Variants in CNTNAP2 observed in about 807,000 individuals in gnomAD.
CNTNAP2 encodes contactin-associated protein-like 2.
A neutral mutation model predicts 155.2 loss-of-function variants in CNTNAP2; 98 were observed. The ratio of observed to expected loss-of-function variants is 0.63; its 90% CI spans 0.54 to 0.75. CNTNAP2 has a LOEUF of 0.75. Ranked by LOEUF, CNTNAP2 falls within the 30% of genes least tolerant of loss-of-function variation. CNTNAP2 has a pLI of 0.00. For synonymous variants in CNTNAP2, 651 were observed against 631.2 expected (o/e 1.03, Z -0.47); for missense variants, 1,727 against 1,688.1 (o/e 1.02, Z -0.40).
intron 14 of CNTNAP2, among the ~76,000 whole-genome samples, chr7:147,968,972 A>G (rs1235684138): frequency 6.6e-6 from 1 of 152,220 alleles, no homozygotes; most frequent in Non-Finnish European, 1.5e-5. Flanking sequence ...GAAACAAGGA[A>G]TAAAAAGTGG....
rs1469243150 is a variant in CNTNAP2 at position 147,850,163 on chromosome 7, A to G, written c.2099-53402A>G. The stretch of plus-strand genomic sequence containing the variant: ...TTTTGGTAAAAATCTTTAAAAAATA[A>G]TAAATGCTTCAAAGAGAATAAAACA... On this transcript the variant is annotated intron_variant, in intron 13 of 23. Coordinates refer to ENST00000361727, the MANE Select transcript of CNTNAP2 (RefSeq NM_014141.6). Among the ~76,000 whole-genome samples, 7 of 152,362 alleles carry G rather than the reference A, an allele frequency of 4.6e-5. No individual in the cohort carries two copies. In the East Asian group the frequency reaches 1.4e-3, roughly 29 times the overall value.
chr7:147,297,678 C>T (rs1283705019), intron 8 of CNTNAP2, among the ~76,000 whole-genome samples: 1 of 152,114 alleles, frequency 6.6e-6, no homozygotes, highest in Non-Finnish European at 1.5e-5. Flanking sequence ...TCAAAAAGAA[C>T]AGAAAGCTGT....
At chr7:147,021,389 T>C (rs1047805350) in intron 3 of CNTNAP2, among the ~76,000 whole-genome samples, 7 of 152,170 alleles carry the variant, frequency 4.6e-5, no homozygotes, top group African/African-American at 9.6e-5. Flanking sequence ...CATTATTTCA[T>C]AGGTCCAATT....
At chr7:147,504,973 C>A (rs757086354) in intron 11 of CNTNAP2, among the ~76,000 whole-genome samples, 9 of 151,962 alleles carry the variant, frequency 5.9e-5, no homozygotes, top group Admixed American at 2.0e-4. Context: ...CTGATGCAAA[C>A]TTTAGCAAGT....
chr7:146,572,977 G>A (rs1798465700), intron 1 of CNTNAP2, among the ~76,000 whole-genome samples: 1 of 152,022 alleles, frequency 6.6e-6, no homozygotes, highest in Non-Finnish European at 1.5e-5. Context: ...AGATAAGCTG[G>A]AAAAAGATGA....
Position 148,247,623 on chromosome 7 carries a change from C to CTATTTA in CNTNAP2, c.3381+17845_3381+17846insATTTAT, listed in dbSNP as rs1220582979. 4.3e-3 allele frequency among the ~76,000 whole-genome samples: 444 copies of CTATTTA among 102,434 alleles called. 1 individual carries two copies. The highest frequency in any genetic ancestry group is 7.5e-3 in the African/African-American group (207 of 27,476). 67.2% of individuals were successfully genotyped at this position (102,434 alleles called of 152,430 possible). On this transcript the variant is annotated intron_variant, in intron 20 of 23. Transcript: ENST00000361727. ...TCTCTCTCTCTCTCTCTCTCTCTCT[C>CTATTTA]TCTATTTATTTATTTATTTATTTAT...
chr7:147,518,222 G>A (rs1171371142), intron 11 of CNTNAP2, among the ~76,000 whole-genome samples: 1 of 152,064 alleles, frequency 6.6e-6, no homozygotes, highest in Non-Finnish European at 1.5e-5. Context: ...ACTGAACATA[G>A]AAACAACTAA....
At chr7:146,778,605 T>C (rs960512908) in intron 2 of CNTNAP2, among the ~76,000 whole-genome samples, 2 of 152,210 alleles carry the variant, frequency 1.3e-5, no homozygotes, top group African/African-American at 4.8e-5. Context: ...TGTTACTCTT[T>C]CCAAGGTTAG....
chr7:147,584,552 T>C (rs1191825542), intron 12 of CNTNAP2, among the ~76,000 whole-genome samples: 2 of 152,220 alleles, frequency 1.3e-5, no homozygotes, highest in Admixed American at 6.5e-5. Context: ...GATGATCTAT[T>C]CTATTACCAC....
intron 10 of CNTNAP2, among the ~76,000 whole-genome samples, chr7:147,480,640 T>A (rs1798404602): frequency 6.6e-6 from 1 of 152,194 alleles, no homozygotes. Flanking sequence ...CAGGAGGACC[T>A]ATGGAAAAGC....
intron 1 of CNTNAP2, among the ~76,000 whole-genome samples, chr7:146,317,764 T>C (rs1800933181): frequency 6.6e-6 from 1 of 152,262 alleles, no homozygotes; most frequent in South Asian, 2.1e-4. Flanking sequence ...ACATTACACA[T>C]GTCATCTTTC....
chr7:147,588,427 T>A (rs547018702), intron 12 of CNTNAP2, among the ~76,000 whole-genome samples: 215 of 152,236 alleles, frequency 1.4e-3, no homozygotes, highest in African/African-American at 5.0e-3. Context: ...GAGGATACTC[T>A]GTGAATAGAT....
At chr7:146,319,955 C>G (rs1028428516) in intron 1 of CNTNAP2, among the ~76,000 whole-genome samples, 2 of 152,170 alleles carry the variant, frequency 1.3e-5, no homozygotes, top group Middle Eastern at 6.8e-3. Context: ...CCAATTTCCT[C>G]TTAATGTATT....
At chr7:148,016,425 A>C (rs958503557) in intron 15 of CNTNAP2, among the ~76,000 whole-genome samples, 1 of 152,136 alleles carries the variant, frequency 6.6e-6, no homozygotes, top group African/African-American at 2.4e-5. Flanking sequence ...TGACACTTGG[A>C]TGCTCCAGTG....
chr7:147,154,875 T>G (rs1179627389), intron 8 of CNTNAP2, among the ~76,000 whole-genome samples: 1 of 152,116 alleles, frequency 6.6e-6, no homozygotes, highest in Non-Finnish European at 1.5e-5. Context: ...TATAGTTAGA[T>G]TATGTCTTCG....
rs1799977161 is a variant in CNTNAP2 at position 148,415,911 on chromosome 7, G to A, written c.*295G>A. The A allele has an allele frequency of 9.9e-6, 5 of 502,664 alleles. No homozygotes were observed. Among genetic ancestry groups the A allele is most frequent in the Non-Finnish European group, 1.8e-5 (5 of 281,604 alleles). The allele number at this position is 502,664 out of a possible 1,614,324, so 31.1% of individuals were successfully genotyped here. ...TTGTAGGTACTATCTGTCTTATTTT[G>A]TGTGTGTTTAGAGGTGTTCTAAAGA... is the stretch of plus-strand genomic sequence containing the variant. On this transcript the variant is annotated 3_prime_UTR_variant, in exon 24 of 24. Coordinates refer to ENST00000361727, the MANE Select transcript of CNTNAP2 (RefSeq NM_014141.6).
intron 21 of CNTNAP2, among the ~76,000 whole-genome samples, chr7:148,329,078 T>C (rs1409169548): frequency 6.7e-6 from 1 of 150,150 alleles, no homozygotes; most frequent in African/African-American, 2.4e-5. Flanking sequence ...CTGGGGCTGC[T>C]GGCCCCCTCC....
chr7:147,991,090 G>A (rs886387615), intron 15 of CNTNAP2, among the ~76,000 whole-genome samples: 1 of 152,102 alleles, frequency 6.6e-6, no homozygotes, highest in African/African-American at 2.4e-5. Context: ...TATCACTTGA[G>A]AAAGTCCTAG....
At chr7:148,332,897 G>C (rs1798056326) in intron 21 of CNTNAP2, among the ~76,000 whole-genome samples, 1 of 152,134 alleles carries the variant, frequency 6.6e-6, no homozygotes, top group African/African-American at 2.4e-5. Flanking sequence ...CCTAAACCAA[G>C]TATAAAATAG....
Sources: allele counts gnomAD v4.1 joint callset (sites outside exome capture counted in the v4.1 genomes callset), GRCh38; gene constraint gnomAD v4.1.1; transcripts MANE v1.5; gene names NCBI Gene and HGNC (gene_info 2026-07-23, HGNC 2026-07-21).